AFG2A: variants seen among roughly 807,000 people sequenced by gnomAD.
AFG2A encodes AAA ATPase AFG2A, also known as ATPase family gene 2 protein homolog A.
chr4:123,259,580 A>G, the AFG2A span, among the ~76,000 whole-genome samples: 1 of 152,206 alleles, frequency 6.6e-6, no homozygotes, highest in African/African-American at 2.4e-5. Context: ...TTAAAAGCAG[A>G]AGGGAATTTC....
At chr4:123,195,004 C>G in the AFG2A span, among the ~76,000 whole-genome samples, 7 of 152,158 alleles carry the variant, frequency 4.6e-5, no homozygotes, top group African/African-American at 9.7e-5. Context: ...CATTCATTTC[C>G]TCATTCGTTC....
the AFG2A span, among the ~76,000 whole-genome samples, chr4:123,187,447 A>G: frequency 6.6e-6 from 1 of 152,184 alleles, no homozygotes; most frequent in Admixed American, 6.5e-5. Context: ...TTAACCAGGA[A>G]TATACTTTGG....
the AFG2A span, among the ~76,000 whole-genome samples, chr4:123,185,797 G>C: frequency 6.6e-6 from 1 of 151,942 alleles, no homozygotes; most frequent in Non-Finnish European, 1.5e-5. Context: ...ATATATGGGG[G>C]CTTTAAAAAG....
chr4:123,036,844 C>G, the AFG2A span, among the ~76,000 whole-genome samples: 1 of 151,984 alleles, frequency 6.6e-6, no homozygotes, highest in African/African-American at 2.4e-5. Context: ...TTTACTTGCC[C>G]ACAGCATTCT....
the AFG2A span, among the ~76,000 whole-genome samples, chr4:123,281,069 T>C: frequency 6.6e-6 from 1 of 152,162 alleles, no homozygotes; most frequent in Non-Finnish European, 1.5e-5. Context: ...TTTTGGAAAT[T>C]CACATTTTTG....
chr4:123,181,094 T>C, the AFG2A span, among the ~76,000 whole-genome samples: 5 of 151,698 alleles, frequency 3.3e-5, no homozygotes, highest in East Asian at 3.9e-4. Flanking sequence ...ACGCCATTCT[T>C]CTGCCTCAGC....
the AFG2A span, chr4:122,938,378 A>G: frequency 9.4e-7 from 1 of 1,058,696 alleles, no homozygotes. Context: ...AGCCATAGCA[A>G]CTAGGGGAAA....
chr4:123,125,341 T>C, the AFG2A span, among the ~76,000 whole-genome samples: 11 of 152,232 alleles, frequency 7.2e-5, no homozygotes, highest in African/African-American at 2.7e-4. Flanking sequence ...TAAGACCATT[T>C]GCCATGAACT....
chr4:123,077,612 A>G, the AFG2A span, among the ~76,000 whole-genome samples: 16 of 152,224 alleles, frequency 1.1e-4, no homozygotes, highest in African/African-American at 3.9e-4. Context: ...CATATGGGCC[A>G]TATGGATATC....
the AFG2A span, among the ~76,000 whole-genome samples, chr4:123,228,667 A>G: frequency 1.3e-5 from 2 of 152,018 alleles, no homozygotes; most frequent in Non-Finnish European, 2.9e-5. Flanking sequence ...AGAGGCAACT[A>G]GAATTAACAC....
At chr4:123,016,833 T>C in the AFG2A span, among the ~76,000 whole-genome samples, 2 of 152,122 alleles carry the variant, frequency 1.3e-5, no homozygotes, top group African/African-American at 2.4e-5. Context: ...CTGGGCACCA[T>C]TGAGCACTGA....
chr4:123,225,207 T>G, the AFG2A span, among the ~76,000 whole-genome samples: 1 of 152,226 alleles, frequency 6.6e-6, no homozygotes, highest in African/African-American at 2.4e-5. Context: ...CAGAAGTTCT[T>G]TAGTTTATTA....
At chr4:123,055,077 C>T in the AFG2A span, among the ~76,000 whole-genome samples, 1 of 152,128 alleles carries the variant, frequency 6.6e-6, no homozygotes, top group East Asian at 1.9e-4. Context: ...CTTTAAGTAG[C>T]TTTATTGATT....
At chr4:123,017,638 T>C in the AFG2A span, among the ~76,000 whole-genome samples, 35 of 152,250 alleles carry the variant, frequency 2.3e-4, 2 homozygotes, top group South Asian at 1.5e-3. Context: ...GTATCTTTAG[T>C]AATTTGGTAC....
the AFG2A span, among the ~76,000 whole-genome samples, chr4:123,109,320 G>T: frequency 1.3e-5 from 2 of 152,110 alleles, no homozygotes; most frequent in Non-Finnish European, 2.9e-5. Flanking sequence ...CTATGCCTGT[G>T]TTTAGAAATA....
the AFG2A span, among the ~76,000 whole-genome samples, chr4:123,012,292 G>T: frequency 1.4e-5 from 2 of 144,674 alleles, no homozygotes; most frequent in Non-Finnish European, 3.0e-5. Flanking sequence ...AGGGGTGGGG[G>T]TGCTTGTCCC....
chr4:123,191,591 C>T, the AFG2A span, among the ~76,000 whole-genome samples: 3 of 152,002 alleles, frequency 2.0e-5, no homozygotes, highest in Admixed American at 6.6e-5. Context: ...TTTTTATCTT[C>T]GTATTTCTTT....
At chr4:122,984,213 C>T in the AFG2A span, among the ~76,000 whole-genome samples, 1 of 151,700 alleles carries the variant, frequency 6.6e-6, no homozygotes, top group African/African-American at 2.4e-5. Flanking sequence ...TTTTTTGCAG[C>T]TATTGTAAAA....
chr4:123,037,590 G>C, the AFG2A span, among the ~76,000 whole-genome samples: 2 of 151,936 alleles, frequency 1.3e-5, no homozygotes, highest in Non-Finnish European at 2.9e-5. Context: ...TCTGTAGTTA[G>C]ATATAAATGG....
Sources: allele counts gnomAD v4.1 joint callset (sites outside exome capture counted in the v4.1 genomes callset), GRCh38; gene constraint gnomAD v4.1.1; transcripts MANE v1.5; gene names NCBI Gene and HGNC (gene_info 2026-07-23, HGNC 2026-07-21).